The following PKLR variants were observed in gnomAD, a reference collection of about 807,000 sequenced individuals.
PKLR encodes pyruvate kinase L/R.
A neutral mutation model predicts 53.6 loss-of-function variants in PKLR; 38 were observed. The ratio of observed to expected loss-of-function variants is 0.71; its 90% CI spans 0.55 to 0.93. The LOEUF is 0.93. Ranked by LOEUF, PKLR falls within the 40% of genes least tolerant of loss-of-function variation. The pLI, the probability that PKLR is intolerant of heterozygous loss-of-function variation, is 0.00. For synonymous variants in PKLR, 328 were observed against 316.2 expected, an observed-to-expected ratio of 1.04 and a Z score of -0.39; for missense variants, 702 against 787.3, an observed-to-expected ratio of 0.89 and a Z score of 1.30.
Position 155,301,262 on chromosome 1 carries a change from C to T in PKLR, c.100+34G>A, listed in dbSNP as rs1158496999. 5 of 1,612,208 alleles carry T rather than the reference C, an allele frequency of 3.1e-6. No individual in the cohort carries two copies. In the African/African-American group the frequency reaches 4.0e-5, roughly 13 times the overall value. ...TCCTAGTTTTCACCCTCATTTTCCT[C>T]CTATGTTCCATGGCTTCTGTCTCCC... On this transcript the variant is annotated intron_variant, in intron 1 of 10. Transcript: ENST00000342741.
At chr1:155,292,147 C>G (rs1647250346) in intron 9 of PKLR, among the ~76,000 whole-genome samples, 2 of 151,156 alleles carry the variant, frequency 1.3e-5, no homozygotes, top group Non-Finnish European at 2.9e-5. Flanking sequence ...GCCTGTAATC[C>G]CAGCACTTTG....
upstream of PKLR, among the ~76,000 whole-genome samples, chr1:155,302,906 T>C (rs549212861): frequency 5.3e-5 from 8 of 152,284 alleles, no homozygotes; most frequent in African/African-American, 1.4e-4. Context: ...CTTTTTATTT[T>C]TGTAGAGACT....
At chr1:155,296,119 G>A (rs767341752) in intron 2 of PKLR, among the ~76,000 whole-genome samples, 2 of 152,156 alleles carry the variant, frequency 1.3e-5, no homozygotes, top group Non-Finnish European at 2.9e-5. Flanking sequence ...GTTTGGGTGC[G>A]GGCTTTTAGA....
rs756559416 is a variant in PKLR at position 155,295,153 on chromosome 1, A to G, written c.657T>C (p.Ile219=). Residue 219 remains isoleucine (I), a synonymous_variant, in exon 5 of 11, where the codon ATT becomes ATC. Transcript: ENST00000342741. This position sits in a 1 kb window ranked among gnomAD's most constrained non-coding sequence, Gnocchi z 4.3. ...CCACTAGGGAGATGAGCCCGTCGTC[A>G]ATGTAGATGCGGCCCCCCACCGGCA... ...RVVPVGGRIY[I]DDGLISLVVQ... is the part of the protein sequence containing the mutation. 2.2e-5 allele frequency: 35 copies of G among 1,614,004 alleles called. No individual in the cohort carries two copies. The highest frequency in any genetic ancestry group is 3.0e-5 in the Non-Finnish European group (35 of 1,179,944).
the PKLR span, chr1:155,308,493 G>A: frequency 2.2e-6 from 2 of 910,068 alleles, no homozygotes; most frequent in African/African-American, 3.6e-5. Flanking sequence ...GACGTTAAAT[G>A]ATTTGCCTAA....
At chr1:155,296,061 A>T (rs920541927) in intron 2 of PKLR, among the ~76,000 whole-genome samples, 1 of 151,982 alleles carries the variant, frequency 6.6e-6, no homozygotes, top group African/African-American at 2.4e-5. Context: ...TTGCCCGGCT[A>T]CCCCAGGGTA....
rs1215189514 is a variant in PKLR, at chr1:155,294,571, G to T, written c.876C>A (p.Ser292Arg). The change falls in exon 6 of 11, where the codon AGC becomes AGA. Residue 292 changes from serine (S) to arginine (R), a missense_variant. Physicochemically the swap from Ser to Arg is moderately radical, Grantham distance 110 (BLOSUM62 -1). Transcript: ENST00000342741. ...GAGCAGCCCTGACGGCAGCCACGTC[G>T]CTGGCTTTCCGCACAAAGGAGGCAA... ...IVFASFVRKA[S>R]DVAAVRAALG... 2 of 1,614,096 alleles carry T rather than the reference G, an allele frequency of 1.2e-6. No homozygotes were observed. The highest frequency in any genetic ancestry group is 1.7e-6 in the Non-Finnish European group (2 of 1,180,030).
upstream of PKLR, among the ~76,000 whole-genome samples, chr1:155,302,779 C>T (rs926370033): frequency 1.3e-5 from 2 of 151,710 alleles, no homozygotes. Flanking sequence ...CTCCAACGAT[C>T]CTCCCACCTC....
Position 155,289,786 on chromosome 1 carries a change from T to G in PKLR, c.*786A>C, listed in dbSNP as rs1674453675. The G allele has an allele frequency of 6.6e-6, 1 of 152,282 alleles. No homozygotes were observed. The highest frequency in any genetic ancestry group is 1.5e-5 in the Non-Finnish European group (1 of 68,074). The allele number at this position is 152,282 out of a possible 1,614,324, so 9.4% of individuals were successfully genotyped here. ...GTGGGGAGTTCTGGGGTTCTTGGTG[T>G]GTGGGAGAAGTTTTATAATTGCTTC... On this transcript the variant is annotated 3_prime_UTR_variant, in exon 11 of 11. Coordinates refer to ENST00000342741, the MANE Select transcript of PKLR (RefSeq NM_000298.6).
intron 2 of PKLR, among the ~76,000 whole-genome samples, chr1:155,298,327 C>T (rs1384314942): frequency 6.6e-6 from 1 of 151,724 alleles, no homozygotes; most frequent in Non-Finnish European, 1.5e-5. Flanking sequence ...AAACACCACG[C>T]CTGGCCTTTT....
chr1:155,305,118 G>A (rs1191050249), upstream of PKLR, among the ~76,000 whole-genome samples: 1 of 152,104 alleles, frequency 6.6e-6, no homozygotes, highest in Non-Finnish European at 1.5e-5. Context: ...ACCTTACAGG[G>A]GTAACAAAGC....
In PKLR at chr1:155,293,121, TCCCA is replaced by T; in HGVS notation, c.1436+52_1436+55del. 6.5e-7 allele frequency: 1 copy of T among 1,542,298 alleles called. No individual in the cohort carries two copies. The highest frequency in any genetic ancestry group is 9.0e-7 in the Non-Finnish European group (1 of 1,115,264). ...AGACTAAACCCAAGCCTGGGGCCCG[TCCCA>T]GCCCACCCCTGACCCAAAGCTCCAT... On this transcript the variant is annotated intron_variant, in intron 9 of 10. Coordinates refer to ENST00000342741, the MANE Select transcript of PKLR (RefSeq NM_000298.6). The surrounding 1 kb of genome is among the most constrained non-coding windows in gnomAD (Gnocchi z 4.2).
chr1:155,300,893 T>C lies in PKLR; in HGVS notation c.100+403A>G, dbSNP rs775921590. ...ATTCCAGCCGCACCTTCCATGCCACTGCACACCTCTCTGGGTCTCCCTCTC... is the reference window on the plus strand; with the variant it reads ...ATTCCAGCCGCACCTTCCATGCCACCGCACACCTCTCTGGGTCTCCCTCTC... On this transcript the variant is annotated intron_variant, in intron 1 of 10. Coordinates refer to ENST00000342741, the MANE Select transcript of PKLR (RefSeq NM_000298.6). 8.1e-5 allele frequency: 131 copies of C among 1,611,142 alleles called. No homozygotes were observed. Among genetic ancestry groups the C allele is most frequent in the Admixed American group, 2.3e-4 (14 of 59,620 alleles).
At chr1:155,292,025 T>A in intron 9 of PKLR, 88 bp from the exon 10 acceptor site, 1 of 1,271,252 alleles carries the variant, frequency 7.9e-7, no homozygotes, top group Non-Finnish European at 1.1e-6. Context: ...CAGGTGTCAC[T>A]AACAAGCTGT....
chr1:155,294,864 AT>A, intron 5 of PKLR, 112 bp from the exon 6 acceptor site: 1 of 1,340,030 alleles, frequency 7.5e-7, no homozygotes, highest in Non-Finnish European at 1.1e-6. Flanking sequence ...TGTCCTCCTC[AT>A]CTCTCCGCCC....
At chr1:155,299,073 TTTC>T (rs1357532126) in intron 2 of PKLR, among the ~76,000 whole-genome samples, 2 of 146,466 alleles carry the variant, frequency 1.4e-5, no homozygotes, top group Non-Finnish European at 3.0e-5. Context: ...TCCTTCCTTC[TTTC>T]TTTTCTTTCT....
In PKLR at chr1:155,301,292, T is replaced by A; in HGVS notation, c.100+4A>T. The stretch of plus-strand genomic sequence containing the variant: ...GTTCCATGGCTTCTGTCTCCCCTTC[T>A]TACCTCCTGGAGCCCCAATCAGGAT... On this transcript the variant is annotated splice_donor_region_variant and intron_variant, in intron 1 of 10. Transcript: ENST00000342741. 1 of 1,614,020 alleles carries A rather than the reference T, an allele frequency of 6.2e-7. No individual in the cohort carries two copies. The highest frequency in any genetic ancestry group is 8.5e-7 in the Non-Finnish European group (1 of 1,179,908).
At position 155,290,316 on chromosome 1, in the gene PKLR, T is replaced by C. The variant is rs749428064; in HGVS notation, c.*256A>G. 3.5e-5 allele frequency: 19 copies of C among 537,710 alleles called. No individual in the cohort carries two copies. Among genetic ancestry groups the C allele is most frequent in the Non-Finnish European group, 6.0e-5 (18 of 297,954 alleles). 33.3% of individuals were successfully genotyped at this position (537,710 alleles called of 1,614,324 possible). ...CAGATTGGATGCAGGGAATGTACAA[T>C]TGGTGCTGTTGGGTGGCCAGTGCAT... is the stretch of plus-strand genomic sequence containing the variant. On this transcript the variant is annotated 3_prime_UTR_variant, in exon 11 of 11. Coordinates refer to ENST00000342741, the MANE Select transcript of PKLR (RefSeq NM_000298.6).
upstream of PKLR, among the ~76,000 whole-genome samples, chr1:155,302,967 C>T (rs1033639628): frequency 6.6e-6 from 1 of 152,182 alleles, no homozygotes; most frequent in Non-Finnish European, 1.5e-5. Flanking sequence ...CTCAAGTGGT[C>T]CTCCTGCCTT....
Sources: allele counts gnomAD v4.1 joint callset (sites outside exome capture counted in the v4.1 genomes callset), GRCh38; gene constraint gnomAD v4.1.1; non-coding constraint Gnocchi (gnomAD v3.1); transcripts MANE v1.5; gene names NCBI Gene and HGNC (gene_info 2026-07-23, HGNC 2026-07-21).